The following WDFY1 variants were observed in gnomAD, a reference collection of about 807,000 sequenced individuals.
The protein encoded by WDFY1 is WD repeat and FYVE domain-containing protein 1.
A neutral mutation model predicts 56.4 loss-of-function variants in WDFY1; 32 were observed. The ratio of observed to expected loss-of-function variants is 0.57; its 90% confidence interval spans 0.43 to 0.76. WDFY1 has a LOEUF of 0.76. Among genes scored for constraint, WDFY1 ranks in the 30% least tolerant of loss-of-function variants. The pLI, the probability that WDFY1 is intolerant of heterozygous loss-of-function variation, is 0.00. For synonymous variants in WDFY1, 192 were observed against 197.3 expected, an observed-to-expected ratio of 0.97 and a Z score of 0.23; for missense variants, 480 against 545.7, an observed-to-expected ratio of 0.88 and a Z score of 1.20.
chr2:223,889,744 G>A (rs897535121), intron 8 of WDFY1, among the ~76,000 whole-genome samples: 8 of 152,314 alleles, frequency 5.3e-5, no homozygotes, highest in African/African-American at 1.9e-4. Context: ...TCTGTAAAAT[G>A]GGATAACAGT....
rs1233812188 is a variant in WDFY1 at position 223,897,377 on chromosome 2, TATA to T, written c.598+1578_598+1580del. On this transcript the variant is annotated intron_variant, in intron 6 of 11. Transcript: ENST00000233055. Reference sequence around the variant, plus strand: ...ATATATATATATATATATATATATATATATATATATATATTTTTTAAGACGGAG... The same window carrying T: ...ATATATATATATATATATATATATATTATATATATATTTTTTAAGACGGAG... Among the ~76,000 whole-genome samples the T allele has an allele frequency of 5.9e-3, 110 of 18,740 alleles. 3 individuals carry two copies. Among genetic ancestry groups the T allele is most frequent in the Admixed American group, 0.021 (26 of 1,232 alleles). 12.3% of individuals were successfully genotyped at this position (18,740 alleles called of 152,430 possible).
intron 3 of WDFY1, among the ~76,000 whole-genome samples, chr2:223,908,802 G>C (rs1252263858): frequency 6.6e-6 from 1 of 152,140 alleles, no homozygotes; most frequent in Non-Finnish European, 1.5e-5. Flanking sequence ...AAAAAGATCA[G>C]CATCTTTTCT....
rs148522059 is a variant in WDFY1, at chr2:223,895,510, C to A, written c.719G>T (p.Gly240Val). ...CCCACAAGTGGTCACGCACTGATGG[C>A]CCTGAAGTAACAGCGTCCGGCCTTT... Reference protein sequence around the residue: ...GRKGRTLLLQGHHDKVQSLCY... With the variant: ...GRKGRTLLLQVHHDKVQSLCY... The change falls in exon 7 of 12, where the codon GGC (glycine) becomes GTC (valine). Residue 240 changes from glycine (G) to valine (V), a missense_variant. Gly to Val is a moderately radical substitution (Grantham distance 109, BLOSUM62 -3). Transcript: ENST00000233055. 6.2e-7 allele frequency: 1 copy of A among 1,613,800 alleles called. No homozygotes were observed. Among genetic ancestry groups the A allele is most frequent in the Non-Finnish European group, 8.5e-7 (1 of 1,179,892 alleles).
chr2:223,913,027 C>T (rs1489302186), intron 2 of WDFY1, among the ~76,000 whole-genome samples: 1 of 151,858 alleles, frequency 6.6e-6, no homozygotes, highest in Non-Finnish European at 1.5e-5. Context: ...CAAGGAAATG[C>T]ATGCTAGGGA....
chr2:223,893,184 G>C (rs1693306862), intron 8 of WDFY1, among the ~76,000 whole-genome samples: 1 of 152,024 alleles, frequency 6.6e-6, no homozygotes, highest in African/African-American at 2.4e-5. Context: ...ATCACACAAT[G>C]ACAAGGTCAA....
At chr2:223,917,831 C>A in intron 2 of WDFY1, 112 bp downstream of exon 2, 1 of 1,302,898 alleles carries the variant, frequency 7.7e-7, no homozygotes, top group South Asian at 1.3e-5. Flanking sequence ...CTTGGCCTCT[C>A]AAAGTGCTGG....
intron 9 of WDFY1, among the ~76,000 whole-genome samples, chr2:223,883,205 C>T (rs993327854): frequency 6.6e-6 from 1 of 152,182 alleles, no homozygotes; most frequent in Admixed American, 6.5e-5. Context: ...TTTAAATGCA[C>T]TATGCTCTCA....
chr2:223,889,821 G>GT lies in WDFY1; in HGVS notation c.831+4412dup, dbSNP rs1693237632. 2.0e-5 allele frequency among the ~76,000 whole-genome samples: 3 copies of GT among 152,358 alleles called. No homozygotes were observed. In the South Asian group the frequency reaches 6.2e-4, roughly 32 times the overall value. The stretch of plus-strand genomic sequence containing the variant: ...ATTTGGGAAGTGTTCAGAATACTAC[G>GT]TGGCATACAATAAGTGACATCTAAG... On this transcript the variant is annotated intron_variant, in intron 8 of 11. Coordinates refer to ENST00000233055, the MANE Select transcript of WDFY1 (RefSeq NM_020830.5).
intron 1 of WDFY1, among the ~76,000 whole-genome samples, chr2:223,928,258 T>A (rs1234253096): frequency 1.3e-5 from 2 of 152,128 alleles, no homozygotes; most frequent in Non-Finnish European, 2.9e-5. Context: ...ACCTTCAATG[T>A]GTACAAAATG....
intron 1 of WDFY1, among the ~76,000 whole-genome samples, chr2:223,919,496 T>C (rs920392467): frequency 4.6e-5 from 7 of 152,110 alleles, no homozygotes; most frequent in Non-Finnish European, 7.4e-5. Context: ...CAGGCGTGAA[T>C]CATCACACTC....
In WDFY1 at chr2:223,881,929, T is replaced by A; in HGVS notation, c.1064+13A>T. 1.2e-6 allele frequency: 2 copies of A among 1,612,760 alleles called. No homozygotes were observed. Among genetic ancestry groups the A allele is most frequent in the Non-Finnish European group, 8.5e-7 (1 of 1,179,164 alleles). On this transcript the variant is annotated intron_variant, in intron 10 of 11. Coordinates refer to ENST00000233055, the MANE Select transcript of WDFY1 (RefSeq NM_020830.5). ...AATAAGAGGCAATGAGACAAAAATATGCAAACACTCACTCTTCATCTTTGA... is the reference window on the plus strand; with the variant it reads ...AATAAGAGGCAATGAGACAAAAATAAGCAAACACTCACTCTTCATCTTTGA...
At chr2:223,880,674 G>T (rs1693054198) in intron 10 of WDFY1, among the ~76,000 whole-genome samples, 1 of 151,400 alleles carries the variant, frequency 6.6e-6, no homozygotes, top group Non-Finnish European at 1.5e-5. Context: ...TAAAATTGTG[G>T]CTATGGTTTT....
intron 4 of WDFY1, 31 bp downstream of exon 4, chr2:223,905,916 G>A (rs766475169): frequency 2.1e-6 from 3 of 1,454,054 alleles, no homozygotes; most frequent in Non-Finnish European, 2.8e-6. Context: ...CTACATGTAT[G>A]TGTACGCAAG....
At chr2:223,885,029 A>G (rs536850320) in intron 8 of WDFY1, among the ~76,000 whole-genome samples, 42 of 151,944 alleles carry the variant, frequency 2.8e-4, no homozygotes, top group Non-Finnish European at 4.3e-4. Context: ...TTTAGTAGAC[A>G]TGGGGTTTTG....
At chr2:223,894,849 C>G (rs1693335722) in intron 7 of WDFY1, among the ~76,000 whole-genome samples, 1 of 152,210 alleles carries the variant, frequency 6.6e-6, no homozygotes, top group Non-Finnish European at 1.5e-5. Flanking sequence ...AGGAAACAAG[C>G]TCTTGGCCTG....
rs757321245 is a variant in WDFY1, at chr2:223,881,941, C to T, written c.1064+1G>A. ...TGAGACAAAAATATGCAAACACTCA[C>T]TCTTCATCTTTGATGGAGTCGTAAC... is the stretch of plus-strand genomic sequence containing the variant. On this transcript the variant is annotated splice_donor_variant, in intron 10 of 11. Transcript: ENST00000233055. LOFTEE classifies it high-confidence loss of function. 6.2e-7 allele frequency: 1 copy of T among 1,613,448 alleles called. No homozygotes were observed. Among genetic ancestry groups the T allele is most frequent in the Admixed American group, 1.7e-5 (1 of 60,008 alleles).
intron 1 of WDFY1, among the ~76,000 whole-genome samples, chr2:223,933,323 C>G (rs1012046775): frequency 2.0e-5 from 3 of 146,720 alleles, no homozygotes; most frequent in Non-Finnish European, 4.5e-5. Flanking sequence ...CTTCCAGAAG[C>G]CAGATTGGCT....
At chr2:223,901,419 C>T (rs1693506599) in intron 4 of WDFY1, 86 bp from the exon 5 acceptor site, 1 of 1,498,336 alleles carries the variant, frequency 6.7e-7, no homozygotes, top group South Asian at 1.2e-5. Context: ...TCAATCTGCT[C>T]AGCCAGGGCA....
intron 8 of WDFY1, among the ~76,000 whole-genome samples, chr2:223,891,781 T>G (rs1559164253): frequency 6.6e-6 from 1 of 152,136 alleles, no homozygotes. Context: ...AACAGTCTCC[T>G]CCCCTCATCA....
Sources: allele counts gnomAD v4.1 joint callset (sites outside exome capture counted in the v4.1 genomes callset), GRCh38; gene constraint gnomAD v4.1.1; transcripts MANE v1.5; gene names NCBI Gene and HGNC (gene_info 2026-07-23, HGNC 2026-07-21).